The following TMEM196 variants were observed in gnomAD, a reference collection of about 807,000 sequenced individuals.
TMEM196 encodes transmembrane protein 196.
TMEM196 carries 17 observed loss-of-function variants against 20.0 expected under a neutral mutation model. The observed-to-expected ratio is 0.85, with a 90% confidence interval of 0.58 to 1.27. The LOEUF (loss-of-function observed/expected upper bound fraction) is 1.27, where lower values mean the gene tolerates loss of function less well. Ranked by LOEUF, TMEM196 falls within the 50% of genes most tolerant of loss-of-function variation. TMEM196 has a pLI of 0.00. For missense variants in TMEM196, 267 were observed against 223.0 expected (o/e 1.20, Z -1.26); for synonymous variants, 113 against 88.9 (o/e 1.27, Z -1.52).
chr7:19,722,152 T>C lies in TMEM196; in HGVS notation c.534-18A>G, dbSNP rs960357922. On this transcript the variant is annotated intron_variant, in intron 4 of 4. Transcript: ENST00000405844. ...GTTATTTCCTGTTAGAAAAATGACA[T>C]GATTAATTAAAATTCGCTTTTGGAG... The C allele has an allele frequency of 6.3e-7, 1 of 1,599,500 alleles. No homozygotes were observed. The highest frequency in any genetic ancestry group is 8.5e-7 in the Non-Finnish European group (1 of 1,173,160).
intron 1 of TMEM196, among the ~76,000 whole-genome samples, chr7:19,751,370 C>T (rs1271891755): frequency 6.6e-6 from 1 of 152,186 alleles, no homozygotes; most frequent in East Asian, 1.9e-4. Flanking sequence ...ATAAAACCAG[C>T]ACTGCTCTTT....
At chr7:19,748,303 C>CAGAACTT (rs1371967754) in intron 1 of TMEM196, among the ~76,000 whole-genome samples, 1 of 96,176 alleles carries the variant, frequency 1.0e-5, no homozygotes, top group Non-Finnish European at 2.0e-5. Context: ...AGTGTAATGA[C>CAGAACTT]AGAACTTAGA....
chr7:19,755,774 A>G (rs1785184989), intron 1 of TMEM196, among the ~76,000 whole-genome samples: 1 of 152,200 alleles, frequency 6.6e-6, no homozygotes, highest in Non-Finnish European at 1.5e-5. Flanking sequence ...TTATGCCTAT[A>G]TTCCAGCACT....
chr7:19,750,430 T>G (rs1428778931), intron 1 of TMEM196, among the ~76,000 whole-genome samples: 9 of 152,174 alleles, frequency 5.9e-5, no homozygotes, highest in African/African-American at 2.2e-4. Flanking sequence ...GAAGAGGATT[T>G]TTTTTTTAGC....
chr7:19,725,405 T>C (rs1005663350), intron 3 of TMEM196, 109 bp downstream of exon 3: 1 of 1,401,418 alleles, frequency 7.1e-7, no homozygotes, highest in Admixed American at 2.4e-5. Flanking sequence ...GCCAAATGTA[T>C]AAAATCTGAT....
intron 2 of TMEM196, among the ~76,000 whole-genome samples, chr7:19,728,819 T>C (rs1280264706): frequency 3.9e-5 from 6 of 152,196 alleles, no homozygotes; most frequent in Non-Finnish European, 8.8e-5. Context: ...GTGTGTTCCA[T>C]ACCCCAGAAA....
chr7:19,732,841 A>G (rs1451345523), intron 1 of TMEM196, among the ~76,000 whole-genome samples: 3 of 152,230 alleles, frequency 2.0e-5, no homozygotes, highest in Admixed American at 6.5e-5. Context: ...ATATTTCAAA[A>G]TACACTTTCT....
At chr7:19,770,048 G>A (rs1360393960) in intron 1 of TMEM196, among the ~76,000 whole-genome samples, 1 of 151,914 alleles carries the variant, frequency 6.6e-6, no homozygotes, top group Non-Finnish European at 1.5e-5. Flanking sequence ...AGGTAGTATG[G>A]CTTCAGATCT....
At chr7:19,766,467 AT>A (rs1473576811) in intron 1 of TMEM196, among the ~76,000 whole-genome samples, 1 of 151,798 alleles carries the variant, frequency 6.6e-6, no homozygotes, top group Non-Finnish European at 1.5e-5. Flanking sequence ...GGACCTAGTT[AT>A]TTAGGTACAG....
chr7:19,723,896 A>G (rs1783895773), intron 4 of TMEM196, among the ~76,000 whole-genome samples: 1 of 152,206 alleles, frequency 6.6e-6, no homozygotes. Flanking sequence ...ACGCAATTTT[A>G]GCATGAGGAA....
At chr7:19,737,469 A>G (rs1258543612) in intron 1 of TMEM196, among the ~76,000 whole-genome samples, 2 of 151,990 alleles carry the variant, frequency 1.3e-5, no homozygotes, top group Non-Finnish European at 2.9e-5. Flanking sequence ...TTAGGTATTT[A>G]CCTAACTAAT....
At chr7:19,766,719 A>T (rs1785644261) in intron 1 of TMEM196, among the ~76,000 whole-genome samples, 1 of 151,350 alleles carries the variant, frequency 6.6e-6, no homozygotes, top group East Asian at 1.9e-4. Flanking sequence ...GTGTGTATGC[A>T]AGTGCATACA....
chr7:19,748,263 C>CAAAAAAAAAAAAA lies in TMEM196; in HGVS notation c.148-18838_148-18826dup, dbSNP rs57276805. On this transcript the variant is annotated intron_variant, in intron 1 of 4. Transcript: ENST00000405844. ...TTCAGAGATGTTCACTGTGGCTGTC[C>CAAAAAAAAAAAAA]AAAAAAAAAAAAAAAAAAAAAAAAA... Among the ~76,000 whole-genome samples, 19 of 20,778 alleles carry CAAAAAAAAAAAAA rather than the reference C, an allele frequency of 9.1e-4. 4 individuals carry two copies. Among genetic ancestry groups the CAAAAAAAAAAAAA allele is most frequent in the African/African-American group, 3.3e-3 (19 of 5,842 alleles). The allele number at this position is 20,778 out of a possible 152,430, so 13.6% of individuals were successfully genotyped here.
At chr7:19,724,219 G>A (rs563229195) in intron 4 of TMEM196, 61 bp downstream of exon 4, 15 of 1,418,028 alleles carry the variant, frequency 1.1e-5, no homozygotes, top group Admixed American at 9.9e-5. Context: ...TGGCTTTCTG[G>A]AAGGGGAAGT....
intron 1 of TMEM196, among the ~76,000 whole-genome samples, chr7:19,764,796 A>G (rs907429693): frequency 6.6e-6 from 1 of 152,050 alleles, no homozygotes; most frequent in Non-Finnish European, 1.5e-5. Flanking sequence ...GTGCTTGTTG[A>G]TTGATTGACT....
intron 1 of TMEM196, among the ~76,000 whole-genome samples, chr7:19,766,658 C>G (rs578143848): frequency 2.0e-5 from 3 of 151,084 alleles, no homozygotes; most frequent in East Asian, 2.0e-4. Flanking sequence ...TGGTTCAAAC[C>G]CAAAAACTGT....
At chr7:19,745,329 C>T (rs1583438142) in intron 1 of TMEM196, among the ~76,000 whole-genome samples, 1 of 152,196 alleles carries the variant, frequency 6.6e-6, no homozygotes, top group African/African-American at 2.4e-5. Flanking sequence ...TTCTTGGTTT[C>T]ACATTAGCAC....
At position 19,748,051 on chromosome 7, in the gene TMEM196, G is replaced by A. The variant is rs148237841; in HGVS notation, c.148-18613C>T. ...TCCTTCAATTAATTAATTTTTCCAT[G>A]TAATACATGTATTTCCACTGGTCTC... On this transcript the variant is annotated intron_variant, in intron 1 of 4. Transcript: ENST00000405844. Among the ~76,000 whole-genome samples the A allele has an allele frequency of 3.1e-3, 474 of 151,938 alleles. 2 individuals are homozygous for A. Among genetic ancestry groups the A allele is most frequent in the African/African-American group, 0.011 (456 of 41,420 alleles).
At chr7:19,739,987 C>T (rs1003092312) in intron 1 of TMEM196, among the ~76,000 whole-genome samples, 1 of 152,038 alleles carries the variant, frequency 6.6e-6, no homozygotes, top group African/African-American at 2.4e-5. Context: ...ACATGTATCT[C>T]CTTTGCCTCA....
Sources: allele counts gnomAD v4.1 joint callset (sites outside exome capture counted in the v4.1 genomes callset), GRCh38; gene constraint gnomAD v4.1.1; transcripts MANE v1.5; gene names NCBI Gene and HGNC (gene_info 2026-07-23, HGNC 2026-07-21).